Variants in MAP3K1 observed in about 807,000 individuals in gnomAD.
MAP3K1 encodes the protein MAP/ERK kinase kinase 1.
In MAP3K1, 36 loss-of-function variants were observed where a neutral mutation model predicts 144.2. The ratio of observed to expected loss-of-function variants is 0.25; its 90% confidence interval spans 0.19 to 0.33. The LOEUF (loss-of-function observed/expected upper bound fraction) is 0.33, where lower values mean the gene tolerates loss of function less well. Among genes scored for constraint, MAP3K1 ranks in the 10% least tolerant of loss-of-function variants. The pLI is 1.00. For synonymous variants in MAP3K1, 718 were observed against 688.7 expected (o/e 1.04, Z -0.67); for missense variants, 1,650 against 1,881.9 (o/e 0.88, Z 2.28).
intron 1 of MAP3K1, among the ~76,000 whole-genome samples, chr5:56,821,162 A>G (rs765488768): frequency 3.9e-5 from 6 of 152,212 alleles, no homozygotes; most frequent in Admixed American, 6.5e-5. Flanking sequence ...TATTTACTCT[A>G]TGGCATGTCA....
In MAP3K1 at chr5:56,895,327, ATC is replaced by A. The variant is rs1443863075; in HGVS notation, c.*1651_*1652del. On this transcript the variant is annotated 3_prime_UTR_variant, in exon 20 of 20. Transcript: ENST00000399503. ...ATAGTACAGAAATGTGAAGTTTGGT[ATC>A]TCTAAATGTGTTGTACTTGACTTTC... is the stretch of plus-strand genomic sequence containing the variant. The A allele has an allele frequency of 1.7e-5, 4 of 231,156 alleles. No individual in the cohort carries two copies. The highest frequency in any genetic ancestry group is 6.1e-5 in the East Asian group (1 of 16,368). The allele number at this position is 231,156 out of a possible 1,614,324, so 14.3% of individuals were successfully genotyped here. A position where few individuals can be genotyped will look rare whatever the true frequency, so the allele number is the denominator to read the frequency against.
chr5:56,835,294 GC>G (rs956354317), intron 1 of MAP3K1, among the ~76,000 whole-genome samples: 10 of 151,702 alleles, frequency 6.6e-5, no homozygotes, highest in African/African-American at 1.5e-4. Context: ...AGACAGGAAG[GC>G]AGGGAAGAGG....
At chr5:56,826,136 A>G (rs990040791) in intron 1 of MAP3K1, among the ~76,000 whole-genome samples, 2 of 152,022 alleles carry the variant, frequency 1.3e-5, no homozygotes, top group African/African-American at 4.8e-5. Context: ...GGCGTGCCCA[A>G]TGCTCTTACC....
At chr5:56,820,873 G>A (rs899913013) in intron 1 of MAP3K1, 30 of 799,754 alleles carry the variant, frequency 3.8e-5, no homozygotes, top group Non-Finnish European at 4.4e-5. Flanking sequence ...TAAGAGAGAT[G>A]GGGATACAGA....
intron 7 of MAP3K1, 148 bp from the exon 8 acceptor site, chr5:56,872,493 G>A: frequency 1.5e-6 from 1 of 645,676 alleles, no homozygotes; most frequent in Non-Finnish European, 2.8e-6. Context: ...CATTTAACCT[G>A]CTGTGTTTAC....
At chr5:56,842,412 C>T (rs1344380207) in intron 1 of MAP3K1, among the ~76,000 whole-genome samples, 1 of 152,086 alleles carries the variant, frequency 6.6e-6, no homozygotes, top group African/African-American at 2.4e-5. Context: ...CTTCATCTGC[C>T]CAATGAAGAT....
intron 1 of MAP3K1, among the ~76,000 whole-genome samples, chr5:56,845,564 A>G (rs1268151011): frequency 1.3e-5 from 2 of 150,210 alleles, no homozygotes; most frequent in African/African-American, 5.1e-5. Flanking sequence ...TGTCTTGTAG[A>G]CATTCCCAGC....
At chr5:56,830,336 C>G (rs183084358) in intron 1 of MAP3K1, among the ~76,000 whole-genome samples, 11 of 152,286 alleles carry the variant, frequency 7.2e-5, no homozygotes, top group Non-Finnish European at 1.6e-4. Flanking sequence ...ATAACCTAAT[C>G]CAAAATGAAA....
chr5:56,818,761 A>G (rs73759208), intron 1 of MAP3K1, among the ~76,000 whole-genome samples: 3,162 of 152,290 alleles, frequency 0.021, 109 homozygotes, highest in African/African-American at 0.073. Context: ...TTTGTAACTT[A>G]AAAAACCAAA....
intron 11 of MAP3K1, among the ~76,000 whole-genome samples, chr5:56,879,534 T>G (rs1219060590): frequency 6.6e-6 from 1 of 151,234 alleles, no homozygotes; most frequent in Non-Finnish European, 1.5e-5. Flanking sequence ...TTCAGTGTAG[T>G]GGAATTTTAC....
chr5:56,842,801 C>G (rs975904479), intron 1 of MAP3K1, among the ~76,000 whole-genome samples: 1 of 152,116 alleles, frequency 6.6e-6, no homozygotes, highest in African/African-American at 2.4e-5. Flanking sequence ...CTGGTCGCTA[C>G]TTTATATGGT....
At position 56,896,004 on chromosome 5, in the gene MAP3K1, T is replaced by C. The variant is rs1349656636; in HGVS notation, c.*2324T>C. 1 of 228,220 alleles carries C rather than the reference T, an allele frequency of 4.4e-6. No individual in the cohort carries two copies. Among genetic ancestry groups the C allele is most frequent in the East Asian group, 6.3e-5 (1 of 15,886 alleles). 14.1% of individuals were successfully genotyped at this position (228,220 alleles called of 1,614,324 possible). A position where few individuals can be genotyped will look rare whatever the true frequency, so the allele number is the denominator to read the frequency against. Reference sequence around the variant, plus strand: ...AAAAAAAAAAAAAAAATCTCTGGGTTAAGAAAATTTGGCTTAAATGTATCC... The same window carrying C: ...AAAAAAAAAAAAAAAATCTCTGGGTCAAGAAAATTTGGCTTAAATGTATCC... On this transcript the variant is annotated 3_prime_UTR_variant, in exon 20 of 20. Transcript: ENST00000399503.
chr5:56,877,229 T>C (rs1309501048), intron 10 of MAP3K1, among the ~76,000 whole-genome samples: 2 of 152,252 alleles, frequency 1.3e-5, no homozygotes, highest in Non-Finnish European at 2.9e-5. Context: ...CCTTCAGGCA[T>C]ACTTGACTAA....
chr5:56,893,548 T>C lies in MAP3K1; in HGVS notation c.4407T>C (p.Thr1469=), dbSNP rs1748613018. ...ALIFKIASAT[T]APSIPSHLSP... ...CTCCACAGATTGCTAGTGCAACTAC[T>C]GCTCCATCGATCCCTTCACATTTGT... Residue 1469 remains threonine, a synonymous_variant, in exon 20 of 20, where the codon ACT becomes ACC. Coordinates refer to ENST00000399503, the MANE Select transcript of MAP3K1 (RefSeq NM_005921.2). 1 of 1,613,984 alleles carries C rather than the reference T, an allele frequency of 6.2e-7. No individual in the cohort carries two copies. Among genetic ancestry groups the C allele is most frequent in the Non-Finnish European group, 8.5e-7 (1 of 1,179,864 alleles).
intron 2 of MAP3K1, among the ~76,000 whole-genome samples, chr5:56,857,372 G>A (rs1747373591): frequency 6.6e-6 from 1 of 151,962 alleles, no homozygotes; most frequent in Non-Finnish European, 1.5e-5. Flanking sequence ...TTTGCTATAG[G>A]TATAAGAATA....
chr5:56,855,211 T>G (rs1747303421), intron 1 of MAP3K1, among the ~76,000 whole-genome samples: 3 of 151,890 alleles, frequency 2.0e-5, no homozygotes, highest in African/African-American at 7.3e-5. Flanking sequence ...CCTCTCTTAC[T>G]TTCTTCTACA....
chr5:56,835,065 A>G (rs1416409943), intron 1 of MAP3K1, among the ~76,000 whole-genome samples: 5 of 152,182 alleles, frequency 3.3e-5, no homozygotes, highest in Admixed American at 3.3e-4. Flanking sequence ...TGAACCTTGG[A>G]TGGCTTAGAA....
chr5:56,852,732 A>G (rs1298945286), intron 1 of MAP3K1, among the ~76,000 whole-genome samples: 1 of 152,162 alleles, frequency 6.6e-6, no homozygotes, highest in Non-Finnish European at 1.5e-5. Flanking sequence ...TGTTTGGCAA[A>G]AATAACTCCC....
At position 56,887,739 on chromosome 5, in the gene MAP3K1, G is replaced by A. The variant is rs548389596; in HGVS notation, c.4257+219G>A. The stretch of plus-strand genomic sequence containing the variant: ...ACAGGTTTTAATAGATTTACTTAAC[G>A]GCTGTTACTAATAAAGAATTCTGGG... On this transcript the variant is annotated intron_variant, in intron 18 of 19. Coordinates refer to ENST00000399503, the MANE Select transcript of MAP3K1 (RefSeq NM_005921.2). The A allele has an allele frequency of 6.2e-4, 341 of 548,910 alleles. 1 individual carries two copies. The highest frequency in any genetic ancestry group is 4.8e-3 in the African/African-American group (255 of 52,988). 34.0% of individuals were successfully genotyped at this position (548,910 alleles called of 1,614,324 possible). A position where few individuals can be genotyped will look rare whatever the true frequency, so the allele number is the denominator to read the frequency against.
Sources: allele counts gnomAD v4.1 joint callset (sites outside exome capture counted in the v4.1 genomes callset), GRCh38; gene constraint gnomAD v4.1.1; transcripts MANE v1.5; gene names NCBI Gene and HGNC (gene_info 2026-07-23, HGNC 2026-07-21).